Variants in VAT1L observed in about 807,000 individuals in gnomAD.
The protein encoded by VAT1L is vesicle amine transport 1 like, also known as putative NADPH-dependent quinone oxidoreductase VAT1L.
A neutral mutation model predicts 44.1 loss-of-function variants in VAT1L; 34 were observed. The ratio of observed to expected loss-of-function variants is 0.77; its 90% confidence interval spans 0.59 to 1.03. The LOEUF (loss-of-function observed/expected upper bound fraction) is 1.03, where lower values mean the gene tolerates loss of function less well. Among genes scored for constraint, VAT1L ranks in the 50% least tolerant of loss-of-function variants. The pLI, the probability that VAT1L is intolerant of heterozygous loss-of-function variation, is 0.00. For synonymous variants in VAT1L, 253 were observed against 202.2 expected (o/e 1.25, Z -2.13); for missense variants, 615 against 538.8 (o/e 1.14, Z -1.40).
At chr16:77,851,016 G>A (rs1198336287) in intron 3 of VAT1L, among the ~76,000 whole-genome samples, 2 of 152,176 alleles carry the variant, frequency 1.3e-5, no homozygotes, top group East Asian at 1.9e-4. Flanking sequence ...CACAAGCCTT[G>A]CTATGGTCTC....
chr16:77,966,932 TA>T (rs55896887), intron 7 of VAT1L, among the ~76,000 whole-genome samples: 1,433 of 106,468 alleles, frequency 0.013, 35 homozygotes, highest in African/African-American at 0.051. Flanking sequence ...TAGAGTACTT[TA>T]AAAAAAAAAA....
At chr16:77,967,930 A>T (rs966510616) in intron 7 of VAT1L, among the ~76,000 whole-genome samples, 23 of 152,152 alleles carry the variant, frequency 1.5e-4, no homozygotes, top group African/African-American at 5.1e-4. Flanking sequence ...TTTAGTTTTG[A>T]AGTCTGGCAG....
chr16:77,962,367 G>C (rs1279062031), intron 7 of VAT1L, among the ~76,000 whole-genome samples: 1 of 152,086 alleles, frequency 6.6e-6, no homozygotes, highest in Non-Finnish European at 1.5e-5. Context: ...GCTTTGCATG[G>C]CTGTCCCTTT....
chr16:77,959,491 T>A (rs967093896), intron 7 of VAT1L, among the ~76,000 whole-genome samples: 1 of 152,248 alleles, frequency 6.6e-6, no homozygotes, highest in East Asian at 1.9e-4. Context: ...GTTTCTTAAT[T>A]AAAGTATTAC....
At chr16:77,940,216 T>A (rs902334746) in intron 7 of VAT1L, among the ~76,000 whole-genome samples, 1 of 152,104 alleles carries the variant, frequency 6.6e-6, no homozygotes, top group Non-Finnish European at 1.5e-5. Flanking sequence ...TTCCATTGCA[T>A]CAAAATTTCC....
chr16:77,943,545 G>A (rs2017919299), intron 7 of VAT1L, among the ~76,000 whole-genome samples: 2 of 150,738 alleles, frequency 1.3e-5, no homozygotes, highest in South Asian at 4.2e-4. Context: ...GACTACAGGT[G>A]CCCGCCACCA....
chr16:77,955,792 T>C (rs751093725), intron 7 of VAT1L, among the ~76,000 whole-genome samples: 13 of 147,716 alleles, frequency 8.8e-5, no homozygotes, highest in African/African-American at 1.8e-4. Context: ...AAGATGCATA[T>C]AGAAGTACAA....
intron 7 of VAT1L, among the ~76,000 whole-genome samples, chr16:77,928,534 G>A (rs971168754): frequency 9.2e-5 from 14 of 152,102 alleles, no homozygotes; most frequent in African/African-American, 2.7e-4. Context: ...CTCAGAAACC[G>A]CTATCTTGGA....
rs567575674 is a variant in VAT1L at position 77,884,757 on chromosome 16, G to A, written c.1032G>A (p.Gln344=). The A allele has an allele frequency of 6.3e-7, 1 of 1,585,166 alleles. No homozygotes were observed. Among genetic ancestry groups the A allele is most frequent in the South Asian group, 1.2e-5 (1 of 86,190 alleles). ...VVEKLIGLYN[Q]KKIKPVVDSL... ...AAAAACTCATAGGGCTCTACAACCA[G>A]AAGAAGATCAAGCCTGTGGTGGACT... Residue 344 remains glutamine, a synonymous_variant, in exon 7 of 9, where the codon CAG becomes CAA. Coordinates refer to ENST00000302536, the MANE Select transcript of VAT1L (RefSeq NM_020927.3). The surrounding 1 kb of genome is among the most constrained non-coding windows in gnomAD (Gnocchi z 4.5).
At chr16:77,965,196 G>A (rs1024224538) in intron 7 of VAT1L, among the ~76,000 whole-genome samples, 6 of 152,160 alleles carry the variant, frequency 3.9e-5, no homozygotes, top group African/African-American at 1.2e-4. Flanking sequence ...CCGGCCCAGG[G>A]CTTTGGTTCT....
In VAT1L at chr16:77,952,963, G is replaced by T. The variant is rs573108639; in HGVS notation, c.1078-18887G>T. On this transcript the variant is annotated intron_variant, in intron 7 of 8. Coordinates refer to ENST00000302536, the MANE Select transcript of VAT1L (RefSeq NM_020927.3). ...CAGAATGTGACTTTATTTGGAAACG[G>T]GGTTGTTGCAGATATATTGCAACAA... Among the ~76,000 whole-genome samples the T allele has an allele frequency of 4.0e-5, 6 of 151,370 alleles. No homozygotes were observed. In the South Asian group the frequency reaches 1.3e-3, roughly 32 times the overall value.
At chr16:77,837,600 A>C (rs9938116) in intron 3 of VAT1L, among the ~76,000 whole-genome samples, 39,779 of 152,046 alleles carry the variant, frequency 0.26, 5,314 homozygotes, top group East Asian at 0.38. Flanking sequence ...AAGACAGAAA[A>C]GGGCCAAAAC....
intron 7 of VAT1L, among the ~76,000 whole-genome samples, chr16:77,918,690 A>G (rs970915648): frequency 1.3e-5 from 2 of 152,300 alleles, no homozygotes; most frequent in East Asian, 1.9e-4. Context: ...GGAAACTGTA[A>G]GTTTAATATG....
At chr16:77,949,611 A>G (rs1159792389) in intron 7 of VAT1L, among the ~76,000 whole-genome samples, 1 of 152,152 alleles carries the variant, frequency 6.6e-6, no homozygotes, top group Non-Finnish European at 1.5e-5. Flanking sequence ...GGTTGCTAAA[A>G]AGAGCCTAGT....
At chr16:77,870,495 G>T (rs7204845) in intron 4 of VAT1L, among the ~76,000 whole-genome samples, 1 of 152,136 alleles carries the variant, frequency 6.6e-6, no homozygotes, top group Non-Finnish European at 1.5e-5. Context: ...CCACTCAAGA[G>T]AAATTCTTCC....
chr16:77,805,548 C>A (rs981637274), intron 1 of VAT1L, among the ~76,000 whole-genome samples: 14 of 150,572 alleles, frequency 9.3e-5, no homozygotes, highest in Non-Finnish European at 1.5e-4. Context: ...AAAGAGCACA[C>A]CTTCCCTTAC....
At chr16:77,974,879 C>T (rs1457952263) in intron 8 of VAT1L, among the ~76,000 whole-genome samples, 3 of 152,024 alleles carry the variant, frequency 2.0e-5, no homozygotes, top group East Asian at 3.9e-4. Context: ...CCCTTGAAGG[C>T]TTTTATCCCT....
chr16:77,927,601 G>A (rs1442074428), intron 7 of VAT1L, among the ~76,000 whole-genome samples: 7 of 152,090 alleles, frequency 4.6e-5, no homozygotes, highest in Admixed American at 4.6e-4. Context: ...ACTTTGGCCA[G>A]GCGCGGTAGC....
At chr16:77,847,375 C>T (rs530345089) in intron 3 of VAT1L, among the ~76,000 whole-genome samples, 63 of 152,304 alleles carry the variant, frequency 4.1e-4, no homozygotes, top group African/African-American at 1.4e-3. Context: ...CCGGTCTTCC[C>T]GTGCTTCTGA....
Sources: gnomAD v4.1 joint callset for allele counts (sites outside exome capture counted in the v4.1 genomes callset) on GRCh38, gnomAD v4.1.1 for gene constraint, Gnocchi (gnomAD v3.1) non-coding constraint, MANE v1.5 for transcripts, NCBI Gene and HGNC (gene_info 2026-07-23, HGNC 2026-07-21) for gene names.